DNAJC1: variants seen among roughly 807,000 people sequenced by gnomAD.
The protein encoded by DNAJC1 is dnaJ homolog subfamily C member 1.
A neutral mutation model predicts 76.6 loss-of-function variants in DNAJC1; 58 were observed. The ratio of observed to expected loss-of-function variants is 0.76; its 90% CI spans 0.61 to 0.94. The LOEUF (loss-of-function observed/expected upper bound fraction) is 0.94, where lower values mean the gene tolerates loss of function less well. DNAJC1 is among the 40% of genes least tolerant of loss of function. DNAJC1 has a pLI of 0.00. For missense variants in DNAJC1, 689 were observed against 677.3 expected (o/e 1.02, Z -0.19); for synonymous variants, 258 against 267.9 (o/e 0.96, Z 0.36).
intron 1 of DNAJC1, among the ~76,000 whole-genome samples, chr10:21,972,259 T>C (rs1319888829): frequency 1.3e-5 from 2 of 152,000 alleles, no homozygotes; most frequent in Non-Finnish European, 2.9e-5. Flanking sequence ...ACTTATTTTA[T>C]TGCAAACAAG....
intron 6 of DNAJC1, among the ~76,000 whole-genome samples, chr10:21,905,257 CAA>C (rs780987548): frequency 1.7e-5 from 2 of 115,328 alleles, no homozygotes; most frequent in African/African-American, 3.2e-5. Flanking sequence ...AGTGGTGTAC[CAA>C]AAAAAAAAAA....
intron 8 of DNAJC1, among the ~76,000 whole-genome samples, chr10:21,872,777 A>T (rs1421377097): frequency 6.6e-6 from 1 of 152,208 alleles, no homozygotes; most frequent in Non-Finnish European, 1.5e-5. Flanking sequence ...TTGAGAAATA[A>T]TGGTCTAAAT....
Position 21,835,014 on chromosome 10 carries a change from T to C in DNAJC1, c.979-28915A>G, listed in dbSNP as rs189379182. ...CAGCACGCAGCTTGAGATCTGAGAA[T>C]GGGCAGACTGCCTCCTCAAGTGGGT... On this transcript the variant is annotated intron_variant, in intron 8 of 11. Transcript: ENST00000376980. 2.6e-5 allele frequency among the ~76,000 whole-genome samples: 4 copies of C among 152,280 alleles called. No individual in the cohort carries two copies. The East Asian group carries it at 7.7e-4, about 29-fold the overall frequency.
At chr10:21,990,244 A>T (rs1340138476) in intron 1 of DNAJC1, among the ~76,000 whole-genome samples, 1 of 152,212 alleles carries the variant, frequency 6.6e-6, no homozygotes, top group Non-Finnish European at 1.5e-5. Flanking sequence ...TGTATATAGT[A>T]ACCACAAATC....
rs561892854 is a variant in DNAJC1 at position 21,994,304 on chromosome 10, ATGTT to A, written c.222+8905_222+8908del. ...CAGTGATGTTTTAAGAGACAGCAGC[ATGTT>A]GAAAAACTGTGAAGCTTTCCACAAT... On this transcript the variant is annotated intron_variant, in intron 1 of 11. Coordinates refer to ENST00000376980, the MANE Select transcript of DNAJC1 (RefSeq NM_022365.4). Among the ~76,000 whole-genome samples, 869 of 152,344 alleles carry A rather than the reference ATGTT, an allele frequency of 5.7e-3. 10 individuals carry two copies. Among genetic ancestry groups the A allele is most frequent in the African/African-American group, 0.02 (823 of 41,582 alleles).
intron 8 of DNAJC1, among the ~76,000 whole-genome samples, chr10:21,869,780 A>G (rs566747882): frequency 1.1e-4 from 16 of 152,120 alleles, no homozygotes; most frequent in Admixed American, 3.3e-4. Flanking sequence ...ACAACTATAA[A>G]CAGCCAATGT....
At chr10:21,788,046 G>A (rs1834634445) in intron 9 of DNAJC1, among the ~76,000 whole-genome samples, 1 of 152,210 alleles carries the variant, frequency 6.6e-6, no homozygotes, top group Admixed American at 6.5e-5. Context: ...TCCACAAGTG[G>A]CTCAGCTGTG....
chr10:21,970,568 CCTT>C (rs1304087370), intron 1 of DNAJC1, among the ~76,000 whole-genome samples: 1 of 151,876 alleles, frequency 6.6e-6, no homozygotes, highest in Non-Finnish European at 1.5e-5. Flanking sequence ...TTGTTACTGT[CCTT>C]CTATAATGAA....
At chr10:21,954,429 A>T (rs1391271519) in intron 1 of DNAJC1, among the ~76,000 whole-genome samples, 1 of 152,196 alleles carries the variant, frequency 6.6e-6, no homozygotes, top group Non-Finnish European at 1.5e-5. Flanking sequence ...AAAAACTACA[A>T]CTACAGAATC....
chr10:21,976,463 A>G (rs920174012), intron 1 of DNAJC1, among the ~76,000 whole-genome samples: 1 of 152,214 alleles, frequency 6.6e-6, no homozygotes, highest in Non-Finnish European at 1.5e-5. Context: ...TCCTGAAAGT[A>G]CCAACATCAT....
intron 1 of DNAJC1, among the ~76,000 whole-genome samples, chr10:21,989,312 C>G (rs1003098395): frequency 9.9e-5 from 15 of 152,158 alleles, no homozygotes; most frequent in African/African-American, 3.6e-4. Context: ...TCCTCCGAAA[C>G]CCCATTCCAA....
intron 8 of DNAJC1, among the ~76,000 whole-genome samples, chr10:21,852,626 G>T (rs150482231): frequency 6.6e-6 from 1 of 152,128 alleles, no homozygotes; most frequent in South Asian, 2.1e-4. Context: ...CTAACTGGTG[G>T]ATGTATAAAT....
At chr10:21,904,713 G>A (rs997481225) in intron 6 of DNAJC1, 101 bp from the exon 7 acceptor site, 1 of 592,942 alleles carries the variant, frequency 1.7e-6, no homozygotes, top group Non-Finnish European at 2.7e-6. Flanking sequence ...CATTTTATAA[G>A]TAGGCTTTCT....
At chr10:21,923,948 A>C (rs72797464) in intron 3 of DNAJC1, among the ~76,000 whole-genome samples, 1 of 152,018 alleles carries the variant, frequency 6.6e-6, no homozygotes, top group Non-Finnish European at 1.5e-5. Context: ...GTATATTATG[A>C]AAATGAATAT....
chr10:21,771,011 T>G (rs1482946524), intron 9 of DNAJC1, among the ~76,000 whole-genome samples: 10 of 152,218 alleles, frequency 6.6e-5, no homozygotes, highest in African/African-American at 2.4e-4. Flanking sequence ...AAAGTTAAAG[T>G]TTTTCACTTC....
chr10:21,829,853 A>C (rs961725870), intron 8 of DNAJC1, among the ~76,000 whole-genome samples: 3 of 151,866 alleles, frequency 2.0e-5, no homozygotes, highest in African/African-American at 7.3e-5. Flanking sequence ...GCTTTCTTTT[A>C]TTCTTTCTCT....
rs756920203 is a variant in DNAJC1 at position 21,756,701 on chromosome 10, G to GT, written c.1650dup (p.Gln551ThrfsTer3). 1.9e-6 allele frequency: 3 copies of GT among 1,613,030 alleles called. No homozygotes were observed. The highest frequency in any genetic ancestry group is 4.5e-5 in the East Asian group (2 of 44,880). On this transcript the variant is annotated frameshift_variant, in exon 12 of 12. Coordinates refer to ENST00000376980, the MANE Select transcript of DNAJC1 (RefSeq NM_022365.4). LOFTEE classifies it high-confidence loss of function. ...TCCCAGAATATTCAGCTTTTAGCTT[G>GT]TTTTTTCTTTTGGACCAGTTCAACC...
intron 8 of DNAJC1, among the ~76,000 whole-genome samples, chr10:21,845,065 T>G (rs1281150156): frequency 1.3e-5 from 2 of 152,162 alleles, no homozygotes; most frequent in Non-Finnish European, 2.9e-5. Flanking sequence ...TACACACAGA[T>G]TTTTAAATTT....
chr10:21,975,524 A>G (rs1838047636), intron 1 of DNAJC1, among the ~76,000 whole-genome samples: 1 of 152,204 alleles, frequency 6.6e-6, no homozygotes, highest in Non-Finnish European at 1.5e-5. Context: ...GTGGCAGCTT[A>G]GCGGGAAAGT....
Sources: allele counts gnomAD v4.1 joint callset (sites outside exome capture counted in the v4.1 genomes callset), GRCh38; gene constraint gnomAD v4.1.1; transcripts MANE v1.5; gene names NCBI Gene and HGNC (gene_info 2026-07-23, HGNC 2026-07-21).